The following PTPN12 variants were observed in gnomAD, a reference collection of about 807,000 sequenced individuals.
The protein encoded by PTPN12 is protein tyrosine phosphatase non-receptor type 12.
Under a neutral mutation model 97.6 loss-of-function variants are expected in PTPN12, and 29 were observed. That is an observed-to-expected ratio of 0.30 (90% confidence interval 0.22 to 0.41). PTPN12 has a LOEUF of 0.41. Among genes scored for constraint, PTPN12 ranks in the 10% least tolerant of loss-of-function variants. The probability of loss-of-function intolerance (pLI) is 1.00; values close to 1 mark genes in which losing one functional copy is unlikely to be tolerated. For missense variants in PTPN12, 819 were observed against 926.0 expected (o/e 0.88, Z 1.50); for synonymous variants, 327 against 300.4 (o/e 1.09, Z -0.91).
chr7:77,583,701 CAT>C (rs770918701), intron 4 of PTPN12, 51 bp downstream of exon 4: 7 of 1,170,454 alleles, frequency 6.0e-6, no homozygotes, highest in African/African-American at 1.5e-5. Flanking sequence ...TATGTAATAA[CAT>C]AGGCTATTTT....
At chr7:77,613,251 T>C (rs1369876214) in intron 11 of PTPN12, among the ~76,000 whole-genome samples, 1 of 128,920 alleles carries the variant, frequency 7.8e-6, no homozygotes, top group Admixed American at 8.6e-5. Flanking sequence ...CTCGGCTCAC[T>C]GCAACCTCTG....
chr7:77,606,551 T>A (rs1044264301), intron 8 of PTPN12, among the ~76,000 whole-genome samples: 2 of 112,118 alleles, frequency 1.8e-5, no homozygotes, highest in African/African-American at 8.5e-5. Flanking sequence ...CATGAGCCAC[T>A]GCGCCCAACC....
Position 77,600,681 on chromosome 7 carries a change from T to C in PTPN12, c.570T>C (p.Tyr190=). 2 of 1,604,450 alleles carry C rather than the reference T, an allele frequency of 1.2e-6. No individual in the cohort carries two copies. The highest frequency in any genetic ancestry group is 1.7e-6 in the Non-Finnish European group (2 of 1,177,158). ...TCTTGAAGGAATCTCGTAGGCTGTA[T>C]CAGTTTCATTATGTGAACTGGCCAG... ...LEFQNESRRL[Y]QFHYVNWPDH... Residue 190 remains tyrosine, a synonymous_variant, in exon 8 of 18, where the codon TAT becomes TAC. Coordinates refer to ENST00000248594, the MANE Select transcript of PTPN12 (RefSeq NM_002835.4).
intron 2 of PTPN12, among the ~76,000 whole-genome samples, chr7:77,581,137 A>G (rs1360425548): frequency 6.6e-6 from 1 of 152,106 alleles, no homozygotes; most frequent in African/African-American, 2.4e-5. Flanking sequence ...CAGTGGCGCA[A>G]TCTTGGCTCA....
intron 1 of PTPN12, among the ~76,000 whole-genome samples, chr7:77,554,831 C>T (rs891469692): frequency 6.6e-6 from 1 of 152,076 alleles, no homozygotes; most frequent in African/African-American, 2.4e-5. Flanking sequence ...AGGCATGCAC[C>T]GCCATACTCA....
chr7:77,544,997 G>A (rs1807147720), intron 1 of PTPN12, among the ~76,000 whole-genome samples: 1 of 152,148 alleles, frequency 6.6e-6, no homozygotes, highest in Non-Finnish European at 1.5e-5. Flanking sequence ...TACAAGATAA[G>A]AGCTACATTG....
chr7:77,602,815 A>G (rs1200559049), intron 8 of PTPN12, among the ~76,000 whole-genome samples: 1 of 152,200 alleles, frequency 6.6e-6, no homozygotes, highest in Non-Finnish European at 1.5e-5. Flanking sequence ...CATAGTACTT[A>G]CTTCATAAGA....
chr7:77,614,989 A>G (rs1788701208), intron 11 of PTPN12, among the ~76,000 whole-genome samples: 1 of 152,232 alleles, frequency 6.6e-6, no homozygotes, highest in Non-Finnish European at 1.5e-5. Context: ...ATTTATAACT[A>G]CAGTGACTTC....
chr7:77,633,667 G>A (rs1789483499), intron 14 of PTPN12, among the ~76,000 whole-genome samples: 1 of 151,802 alleles, frequency 6.6e-6, no homozygotes, highest in African/African-American at 2.4e-5. Context: ...TTAGATTTAG[G>A]TCAGTAAACA....
At chr7:77,605,989 T>C (rs1029909) in intron 8 of PTPN12, among the ~76,000 whole-genome samples, 91,758 of 136,062 alleles carry the variant, frequency 0.67, 32,021 homozygotes, top group East Asian at 0.9. Flanking sequence ...AGTTTTACTC[T>C]TGCTGCCCAA....
chr7:77,594,509 T>C (rs948603954), intron 6 of PTPN12, among the ~76,000 whole-genome samples: 4 of 152,118 alleles, frequency 2.6e-5, no homozygotes, highest in African/African-American at 4.8e-5. Flanking sequence ...TTTTTAAAGT[T>C]TTATTTGTAT....
intron 14 of PTPN12, among the ~76,000 whole-genome samples, chr7:77,634,415 G>C (rs1270159655): frequency 6.6e-6 from 1 of 151,860 alleles, no homozygotes; most frequent in Non-Finnish European, 1.5e-5. Flanking sequence ...TGTTTCATTT[G>C]GTTTTCTTTT....
intron 12 of PTPN12, among the ~76,000 whole-genome samples, chr7:77,625,563 CTCTT>C (rs1369692205): frequency 5.4e-4 from 15 of 27,774 alleles, no homozygotes; most frequent in South Asian, 1.8e-3. Flanking sequence ...CGCTCTCTCT[CTCTT>C]TTTTTTTTTT....
chr7:77,538,149 A>C, intron 1 of PTPN12: 53 of 978,430 alleles, frequency 5.4e-5, no homozygotes, highest in Non-Finnish European at 6.0e-5. Flanking sequence ...AGCTGGTCTC[A>C]AAGCGGGCAG....
chr7:77,563,397 C>A (rs1470238955), intron 1 of PTPN12, among the ~76,000 whole-genome samples: 1 of 152,104 alleles, frequency 6.6e-6, no homozygotes. Context: ...GGCATATGTG[C>A]ATATCTAAAT....
At chr7:77,578,531 G>T (rs1787408897) in intron 2 of PTPN12, among the ~76,000 whole-genome samples, 1 of 152,154 alleles carries the variant, frequency 6.6e-6, no homozygotes, top group Admixed American at 6.5e-5. Flanking sequence ...TTCTAAAGAA[G>T]ACTTTTTTAA....
intron 13 of PTPN12, among the ~76,000 whole-genome samples, chr7:77,631,751 A>G (rs535590258): frequency 1.3e-5 from 2 of 152,350 alleles, no homozygotes; most frequent in Admixed American, 1.3e-4. Context: ...TTAGCAATAA[A>G]TAAATGAAGA....
intron 12 of PTPN12, among the ~76,000 whole-genome samples, chr7:77,625,468 G>GCGCGCT (rs1218191468): frequency 8.1e-5 from 2 of 24,752 alleles, no homozygotes; most frequent in Admixed American, 6.2e-4. Flanking sequence ...TGCCCAGGCT[G>GCGCGCT]CTCGCTCTCT....
chr7:77,554,713 T>G (rs142422083), intron 1 of PTPN12, among the ~76,000 whole-genome samples: 114 of 152,326 alleles, frequency 7.5e-4, no homozygotes, highest in African/African-American at 2.7e-3. Flanking sequence ...TCTTGCTCTG[T>G]CTGTCATCCA....
Sources: allele counts gnomAD v4.1 joint callset (sites outside exome capture counted in the v4.1 genomes callset), GRCh38; gene constraint gnomAD v4.1.1; transcripts MANE v1.5; gene names NCBI Gene and HGNC (gene_info 2026-07-23, HGNC 2026-07-21).